KCNK2: variants seen among roughly 807,000 people sequenced by gnomAD.
The protein encoded by KCNK2 is potassium channel subfamily K member 2.
KCNK2 carries 21 observed loss-of-function variants against 40.5 expected under a neutral mutation model. The ratio of observed to expected loss-of-function variants is 0.52; its 90% CI spans 0.37 to 0.75. The LOEUF (loss-of-function observed/expected upper bound fraction) is 0.75. Among genes scored for constraint, KCNK2 ranks in the 30% least tolerant of loss-of-function variants. KCNK2 has a pLI of 0.00. For missense variants in KCNK2, 399 were observed against 531.6 expected (o/e 0.75, Z 2.45); for synonymous variants, 191 against 202.2 (o/e 0.94, Z 0.47).
At chr1:215,052,484 C>T (rs1462853091) in intron 1 of KCNK2, among the ~76,000 whole-genome samples, 1 of 152,118 alleles carries the variant, frequency 6.6e-6, no homozygotes, top group Non-Finnish European at 1.5e-5. Flanking sequence ...GGAATTTCAG[C>T]TTTCAAGACT....
rs183646140 is a variant in KCNK2 at position 215,228,518 on chromosome 1, T to C, written c.964-6310T>C. Among the ~76,000 whole-genome samples the C allele has an allele frequency of 2.0e-5, 3 of 152,284 alleles. No individual in the cohort carries two copies. In the East Asian group the frequency reaches 5.8e-4, roughly 29 times the overall value. ...ATGTGAAAGTTAAGAATACATGGAA[T>C]TCCAGTAAAGACCTCTTTCTTCCGT... On this transcript the variant is annotated intron_variant, in intron 6 of 6. Transcript: ENST00000444842.
chr1:215,141,522 C>T (rs1662173377), intron 3 of KCNK2, among the ~76,000 whole-genome samples: 2 of 150,152 alleles, frequency 1.3e-5, no homozygotes, highest in Admixed American at 1.3e-4. Context: ...TCTTGTTATT[C>T]TGAAGATTTA....
At chr1:215,208,966 T>C (rs1453453682) in intron 6 of KCNK2, among the ~76,000 whole-genome samples, 1 of 151,708 alleles carries the variant, frequency 6.6e-6, no homozygotes, top group Admixed American at 6.6e-5. Context: ...TAGCTGGGAT[T>C]ACAGACACCT....
chr1:215,148,947 G>A (rs943143444), intron 3 of KCNK2, among the ~76,000 whole-genome samples: 1 of 152,122 alleles, frequency 6.6e-6, no homozygotes, highest in Non-Finnish European at 1.5e-5. Context: ...TTTTTTCAGC[G>A]AGTAATGATG....
At chr1:215,012,477 T>C (rs956092476) in intron 1 of KCNK2, among the ~76,000 whole-genome samples, 8 of 117,742 alleles carry the variant, frequency 6.8e-5, no homozygotes, top group African/African-American at 2.1e-4. Context: ...TCTTTTTCTT[T>C]TTCTTTTTTT....
At chr1:215,149,558 G>A (rs1662592384) in intron 3 of KCNK2, among the ~76,000 whole-genome samples, 3 of 152,172 alleles carry the variant, frequency 2.0e-5, no homozygotes, top group Non-Finnish European at 4.4e-5. Context: ...GACAAAGTGA[G>A]TTATGGCCAT....
chr1:215,049,075 C>T (rs1285136676), intron 1 of KCNK2, among the ~76,000 whole-genome samples: 2 of 152,084 alleles, frequency 1.3e-5, no homozygotes, highest in Non-Finnish European at 2.9e-5. Context: ...AATTATTTTC[C>T]AGAGTAGGTA....
intron 1 of KCNK2, among the ~76,000 whole-genome samples, chr1:215,040,187 G>A (rs1452619): frequency 0.85 from 129,590 of 152,150 alleles, 55,476 homozygotes; most frequent in East Asian, 0.99. Flanking sequence ...TGGGATGTTA[G>A]GTGAGTTATT....
chr1:215,207,331 A>G, intron 6 of KCNK2, among the ~76,000 whole-genome samples: 1 of 152,150 alleles, frequency 6.6e-6, no homozygotes, highest in East Asian at 1.9e-4. Context: ...CGAGAGACCT[A>G]TGCTGCACAC....
At position 215,236,826 on chromosome 1, in the gene KCNK2, G is replaced by A. The variant is rs565375723; in HGVS notation, c.*1681G>A. ...ATTAGGGTCTTGAAAAATAAACCCA[G>A]AATCTTTAAAAGAAGCAAATAAACT... On this transcript the variant is annotated 3_prime_UTR_variant, in exon 7 of 7. Coordinates refer to ENST00000444842, the MANE Select transcript of KCNK2 (RefSeq NM_001017425.3). The A allele has an allele frequency of 4.6e-5, 7 of 151,830 alleles. No homozygotes were observed. Among genetic ancestry groups the A allele is most frequent in the East Asian group, 1.9e-4 (1 of 5,172 alleles). 9.4% of individuals were successfully genotyped at this position (151,830 alleles called of 1,614,324 possible). A position where few individuals can be genotyped will look rare whatever the true frequency, so the allele number is the denominator to read the frequency against.
intron 2 of KCNK2, among the ~76,000 whole-genome samples, chr1:215,118,381 GCAATGAGAGCAT>G (rs1558099134): frequency 6.6e-6 from 1 of 152,076 alleles, no homozygotes; most frequent in Non-Finnish European, 1.5e-5. Context: ...AAGTCTTTTG[GCAATGAGAGCAT>G]CATTTATTAT....
At chr1:215,021,572 A>G (rs1160138404) in intron 1 of KCNK2, among the ~76,000 whole-genome samples, 10 of 117,248 alleles carry the variant, frequency 8.5e-5, no homozygotes, top group African/African-American at 1.2e-4. Flanking sequence ...TTGAGACGGA[A>G]TCTCGCTCTG....
intron 1 of KCNK2, among the ~76,000 whole-genome samples, chr1:215,024,949 T>G (rs1323664788): frequency 3.2e-5 from 2 of 62,670 alleles, no homozygotes; most frequent in South Asian, 4.9e-4. Flanking sequence ...ACAGGAGTTT[T>G]TTTTTTTTTT....
At chr1:215,034,128 T>C (rs906800465) in intron 1 of KCNK2, among the ~76,000 whole-genome samples, 1 of 152,204 alleles carries the variant, frequency 6.6e-6, no homozygotes, top group Non-Finnish European at 1.5e-5. Context: ...CTTTGATGGA[T>C]CTAAAAAGAG....
chr1:215,007,185 GTATATATATATATATATA>G (rs1162302568), intron 1 of KCNK2, among the ~76,000 whole-genome samples: 55 of 31,028 alleles, frequency 1.8e-3, no homozygotes, highest in South Asian at 2.1e-3. Context: ...ATGTGTGTGG[GTATATATATATATATATA>G]TATATATATA....
At chr1:215,007,185 G>GTGTA (rs1398746959) in intron 1 of KCNK2, among the ~76,000 whole-genome samples, 24 of 31,028 alleles carry the variant, frequency 7.7e-4, no homozygotes, top group African/African-American at 2.6e-3. Flanking sequence ...ATGTGTGTGG[G>GTGTA]TATATATATA....
chr1:215,020,675 C>T (rs926298634), intron 1 of KCNK2, among the ~76,000 whole-genome samples: 2 of 152,154 alleles, frequency 1.3e-5, no homozygotes, highest in Non-Finnish European at 2.9e-5. Context: ...ATCCACCCAC[C>T]ACAGCCTCTC....
intron 5 of KCNK2, among the ~76,000 whole-genome samples, chr1:215,182,788 C>A (rs1558128654): frequency 6.6e-6 from 1 of 152,198 alleles, no homozygotes; most frequent in Non-Finnish European, 1.5e-5. Flanking sequence ...TAAAAATAGC[C>A]TCCTGCTCTC....
chr1:215,073,947 C>T (rs539115662), intron 1 of KCNK2, among the ~76,000 whole-genome samples: 23 of 152,178 alleles, frequency 1.5e-4, no homozygotes, highest in South Asian at 4.2e-4. Flanking sequence ...GAAGCTAGTG[C>T]GGGATTTTAA....
Sources: gnomAD v4.1 joint callset for allele counts (sites outside exome capture counted in the v4.1 genomes callset) on GRCh38, gnomAD v4.1.1 for gene constraint, MANE v1.5 for transcripts, NCBI Gene and HGNC (gene_info 2026-07-23, HGNC 2026-07-21) for gene names.